Variants in SCFD1 observed in about 807,000 individuals in gnomAD.
The protein encoded by SCFD1 is sec1 family domain containing 1.
SCFD1 carries 37 observed loss-of-function variants against 103.2 expected under a neutral mutation model. The ratio of observed to expected loss-of-function variants is 0.36; its 90% CI spans 0.28 to 0.47. The LOEUF (loss-of-function observed/expected upper bound fraction) is 0.47, where lower values mean the gene tolerates loss of function less well. Ranked by LOEUF, SCFD1 falls within the 20% of genes least tolerant of loss-of-function variation. SCFD1 has a pLI of 1.00. For synonymous variants in SCFD1, 264 were observed against 245.0 expected (o/e 1.08, Z -0.73); for missense variants, 639 against 761.2 (o/e 0.84, Z 1.89).
chr14:30,623,297 A>G (rs896531885), intron 1 of SCFD1, among the ~76,000 whole-genome samples: 2 of 152,246 alleles, frequency 1.3e-5, no homozygotes, highest in African/African-American at 4.8e-5. Context: ...GGATATAAAT[A>G]TGAATAGGAA....
Position 30,661,201 on chromosome 14 carries a change from A to G in SCFD1, c.855+7613A>G, listed in dbSNP as rs139841259. Among the ~76,000 whole-genome samples, 22 of 152,306 alleles carry G rather than the reference A, an allele frequency of 1.4e-4. No individual in the cohort carries two copies. The East Asian group carries it at 3.9e-3, about 27-fold the overall frequency. ...CTTTGCACACAATTTGAAAGCATCA[A>G]TGGAAGGCTGAGTCTTCCTGTTTCT... On this transcript the variant is annotated intron_variant, in intron 10 of 24. Coordinates refer to ENST00000458591, the MANE Select transcript of SCFD1 (RefSeq NM_016106.4).
intron 14 of SCFD1, chr14:30,683,182 TG>T: frequency 9.1e-7 from 1 of 1,097,752 alleles, no homozygotes; most frequent in Non-Finnish European, 1.4e-6. Context: ...AGGCTGGAGA[TG>T]GAGAGTGTTC....
At chr14:30,690,963 C>T (rs565567962) in intron 14 of SCFD1, among the ~76,000 whole-genome samples, 1 of 152,282 alleles carries the variant, frequency 6.6e-6, no homozygotes, top group African/African-American at 2.4e-5. Flanking sequence ...ACTGTATTCT[C>T]TTTTGAGCCC....
At chr14:30,672,458 G>T (rs543893570) in intron 11 of SCFD1, among the ~76,000 whole-genome samples, 5 of 152,280 alleles carry the variant, frequency 3.3e-5, no homozygotes, top group African/African-American at 1.2e-4. Context: ...AGCTGAGGAA[G>T]GGGGGAAAGG....
chr14:30,656,515 G>T (rs937125177), intron 10 of SCFD1, among the ~76,000 whole-genome samples: 12 of 152,138 alleles, frequency 7.9e-5, no homozygotes, highest in Non-Finnish European at 1.5e-5. Flanking sequence ...CTAGGTGCCA[G>T]TGGAACTCCC....
At chr14:30,650,927 A>T (rs1886340553) in intron 9 of SCFD1, among the ~76,000 whole-genome samples, 1 of 152,092 alleles carries the variant, frequency 6.6e-6, no homozygotes, top group African/African-American at 2.4e-5. Context: ...TCTTTCAATT[A>T]TCATTAAACC....
At chr14:30,714,276 C>A (rs977664176) in intron 19 of SCFD1, among the ~76,000 whole-genome samples, 45 of 151,496 alleles carry the variant, frequency 3.0e-4, no homozygotes, top group African/African-American at 1.0e-3. Context: ...ACGGCGTGAA[C>A]CCGGGAAGCG....
intron 16 of SCFD1, among the ~76,000 whole-genome samples, chr14:30,701,581 A>AG (rs1474629665): frequency 3.9e-5 from 6 of 152,112 alleles, no homozygotes; most frequent in African/African-American, 1.4e-4. Context: ...TCTCATCAAC[A>AG]GGGGTTTACC....
chr14:30,626,907 A>G (rs182297581), intron 1 of SCFD1, among the ~76,000 whole-genome samples: 74 of 152,346 alleles, frequency 4.9e-4, no homozygotes, highest in Admixed American at 2.5e-3. Context: ...AGCATTTAAT[A>G]GAAGTTTTTC....
chr14:30,721,889 T>C lies in SCFD1; in HGVS notation c.1742T>C (p.Val581Ala). The C allele has an allele frequency of 6.2e-7, 1 of 1,608,672 alleles. No individual in the cohort carries two copies. Among genetic ancestry groups the C allele is most frequent in the South Asian group, 1.1e-5 (1 of 90,314 alleles). ...PKMLRGNDSS[V>A]PRNKNPFQEA... ...ACGGTTTTTCTTTATTACAGCTCAGTTCCCAGAAATAAAAATCCATTCCAA... is the reference window on the plus strand; with the variant it reads ...ACGGTTTTTCTTTATTACAGCTCAGCTCCCAGAAATAAAAATCCATTCCAA... The change falls in exon 22 of 25, where the codon GTT becomes GCT. Residue 581 changes from valine to alanine, a missense_variant. Physicochemically the swap from Val to Ala is moderately conservative, Grantham distance 64. Transcript: ENST00000458591.
At chr14:30,679,172 A>G (rs996440496) in intron 14 of SCFD1, among the ~76,000 whole-genome samples, 4 of 151,980 alleles carry the variant, frequency 2.6e-5, no homozygotes, top group African/African-American at 9.7e-5. Flanking sequence ...CATTATTAAC[A>G]TGTCATAACA....
At chr14:30,626,927 A>G (rs1159113430) in intron 1 of SCFD1, among the ~76,000 whole-genome samples, 4 of 152,206 alleles carry the variant, frequency 2.6e-5, no homozygotes, top group Non-Finnish European at 1.5e-5. Flanking sequence ...CTTGTGAGTG[A>G]ATGAATATGC....
At chr14:30,667,802 A>G (rs1047845483) in intron 10 of SCFD1, among the ~76,000 whole-genome samples, 3 of 152,212 alleles carry the variant, frequency 2.0e-5, no homozygotes, top group Admixed American at 1.3e-4. Context: ...CCCATTCACA[A>G]TTGCTACAAA....
intron 15 of SCFD1, among the ~76,000 whole-genome samples, chr14:30,698,652 T>C (rs1890863040): frequency 6.6e-6 from 1 of 152,154 alleles, no homozygotes; most frequent in East Asian, 1.9e-4. Context: ...CTTTGTCCTC[T>C]AGCTGGTTGA....
At chr14:30,670,182 T>G in intron 10 of SCFD1, 74 bp from the exon 11 acceptor site, 1 of 1,230,892 alleles carries the variant, frequency 8.1e-7, no homozygotes. Context: ...TTGGAAACAT[T>G]AGAAAGGGCA....
chr14:30,660,175 C>T (rs1423069829), intron 10 of SCFD1, among the ~76,000 whole-genome samples: 1 of 152,090 alleles, frequency 6.6e-6, no homozygotes, highest in African/African-American at 2.4e-5. Flanking sequence ...CTCTCAGTTC[C>T]TCCCTCCTCA....
chr14:30,660,121 A>G (rs374125137), intron 10 of SCFD1, among the ~76,000 whole-genome samples: 19 of 152,228 alleles, frequency 1.2e-4, no homozygotes, highest in African/African-American at 4.6e-4. Context: ...ATAAGGATCC[A>G]GAAATACATC....
chr14:30,680,071 G>C (rs1272311335), intron 14 of SCFD1, among the ~76,000 whole-genome samples: 1 of 152,090 alleles, frequency 6.6e-6, no homozygotes, highest in Non-Finnish European at 1.5e-5. Context: ...ACTCCTTACT[G>C]TGAATTTCTG....
rs1594530060 is a variant in SCFD1 at position 30,622,588 on chromosome 14, G to A, written c.61+189G>A. The A allele has an allele frequency of 8.2e-6, 8 of 978,850 alleles. No homozygotes were observed. In the East Asian group the frequency reaches 1.1e-4, roughly 13 times the overall value. 60.6% of individuals were successfully genotyped at this position (978,850 alleles called of 1,614,324 possible). On this transcript the variant is annotated intron_variant, in intron 1 of 24. Coordinates refer to ENST00000458591, the MANE Select transcript of SCFD1 (RefSeq NM_016106.4). ...TTGAGGACTCGGTTCCTCCTGTGGT[G>A]CAGGAGAAGGAGCTTCAGCGGTGGG...
Sources: allele counts gnomAD v4.1 joint callset (sites outside exome capture counted in the v4.1 genomes callset), GRCh38; gene constraint gnomAD v4.1.1; transcripts MANE v1.5; gene names NCBI Gene and HGNC (gene_info 2026-07-23, HGNC 2026-07-21).